Variants in RBMS1 observed in about 807,000 individuals in gnomAD.
RBMS1 encodes RNA binding motif single stranded interacting protein 1.
RBMS1 carries 17 observed loss-of-function variants against 62.3 expected under a neutral mutation model. The ratio of observed to expected loss-of-function variants is 0.27; its 90% CI spans 0.19 to 0.41. The LOEUF is 0.41. Ranked by LOEUF, RBMS1 falls within the 10% of genes least tolerant of loss-of-function variation. RBMS1 has a pLI of 1.00. For synonymous variants in RBMS1, 172 were observed against 170.0 expected (o/e 1.01, Z -0.09); for missense variants, 334 against 504.5 (o/e 0.66, Z 3.24).
chr2:160,462,125 G>A (rs905364168), intron 1 of RBMS1, among the ~76,000 whole-genome samples: 4 of 152,192 alleles, frequency 2.6e-5, no homozygotes, highest in African/African-American at 9.7e-5. Flanking sequence ...CCTTTGCTTA[G>A]CTCAACGGGC....
rs1361256026 is a variant in RBMS1, at chr2:160,493,556, C to T, written c.-193G>A. On this transcript the variant is annotated 5_prime_UTR_variant, in exon 1 of 14. Coordinates refer to ENST00000348849, the MANE Select transcript of RBMS1 (RefSeq NM_016836.4). ...TCCTCCTCCTCTTCCTCCTCCTCCTCCTCCTCCTCCTCCTCTTCCTCCTCC... is the reference window on the plus strand; with the variant it reads ...TCCTCCTCCTCTTCCTCCTCCTCCTTCTCCTCCTCCTCCTCTTCCTCCTCC... The T allele has an allele frequency of 1.3e-5, 8 of 620,774 alleles. No homozygotes were observed. In the East Asian group the frequency reaches 2.2e-4, roughly 17 times the overall value. The allele number at this position is 620,774 out of a possible 1,614,324, so 38.5% of individuals were successfully genotyped here.
intron 1 of RBMS1, among the ~76,000 whole-genome samples, chr2:160,419,166 A>G (rs1268314157): frequency 6.6e-6 from 1 of 152,188 alleles, no homozygotes; most frequent in Non-Finnish European, 1.5e-5. Context: ...ATCATGCTAA[A>G]TTCTGTAATT....
At chr2:160,401,431 T>C (rs1695419325) in intron 1 of RBMS1, among the ~76,000 whole-genome samples, 2 of 152,218 alleles carry the variant, frequency 1.3e-5, no homozygotes, top group Non-Finnish European at 2.9e-5. Flanking sequence ...TTCTTTCACC[T>C]TATCCTAATT....
chr2:160,474,056 A>C (rs999232602), intron 1 of RBMS1, among the ~76,000 whole-genome samples: 1 of 152,180 alleles, frequency 6.6e-6, no homozygotes, highest in East Asian at 1.9e-4. Context: ...AAGGTTAAAA[A>C]CTTCTCTGCT....
At chr2:160,282,587 T>C (rs2105932788) in intron 9 of RBMS1, 1 of 211,672 alleles carries the variant, frequency 4.7e-6, no homozygotes, top group East Asian at 1.1e-4. Context: ...TAATAGCTTA[T>C]AGCATTACAG....
chr2:160,348,858 T>G (rs954130647), intron 2 of RBMS1, among the ~76,000 whole-genome samples: 9 of 152,144 alleles, frequency 5.9e-5, no homozygotes. Flanking sequence ...ATCTGAAAAC[T>G]TGATGAATTA....
At chr2:160,369,905 G>A (rs548580757) in intron 1 of RBMS1, among the ~76,000 whole-genome samples, 1 of 152,024 alleles carries the variant, frequency 6.6e-6, no homozygotes, top group Non-Finnish European at 1.5e-5. Context: ...AAAGTAGTAG[G>A]TTTTTTTATT....
chr2:160,301,795 A>G (rs1689222924), intron 5 of RBMS1, among the ~76,000 whole-genome samples: 1 of 152,260 alleles, frequency 6.6e-6, no homozygotes, highest in African/African-American at 2.4e-5. Context: ...GTAACAATGG[A>G]AAAGTTCCCT....
chr2:160,452,073 GTATC>G (rs1289408467), intron 1 of RBMS1, among the ~76,000 whole-genome samples: 17 of 152,170 alleles, frequency 1.1e-4, no homozygotes, highest in Middle Eastern at 3.4e-3. Flanking sequence ...AAGAATTTAA[GTATC>G]AATCATGGCA....
At chr2:160,430,631 G>A (rs7420451) in intron 1 of RBMS1, among the ~76,000 whole-genome samples, 119,043 of 152,166 alleles carry the variant, frequency 0.78, 46,898 homozygotes, top group East Asian at 0.91. Flanking sequence ...CTAAACAATT[G>A]TATTCATTTA....
intron 1 of RBMS1, among the ~76,000 whole-genome samples, chr2:160,432,715 G>A (rs1276901503): frequency 2.6e-5 from 4 of 152,116 alleles, no homozygotes; most frequent in African/African-American, 9.7e-5. Flanking sequence ...GTTTGGGCGG[G>A]GAAAAGGGAG....
intron 11 of RBMS1, 58 bp downstream of exon 11, chr2:160,278,490 C>G: frequency 7.4e-7 from 1 of 1,355,704 alleles, no homozygotes; most frequent in Non-Finnish European, 1.0e-6. Context: ...AAGATACAGG[C>G]TGCATTAATT....
At chr2:160,300,877 C>T in intron 5 of RBMS1, 147 bp from the exon 6 acceptor site, 1 of 879,390 alleles carries the variant, frequency 1.1e-6, no homozygotes, top group Non-Finnish European at 1.6e-6. Flanking sequence ...TCTATTCTAC[C>T]TTTTATCTAA....
intron 1 of RBMS1, among the ~76,000 whole-genome samples, chr2:160,442,162 GA>G (rs1205654378): frequency 6.6e-6 from 1 of 152,112 alleles, no homozygotes; most frequent in Non-Finnish European, 1.5e-5. Flanking sequence ...GATAATGTCC[GA>G]TTTATCAATT....
chr2:160,466,233 G>A (rs994948701), intron 1 of RBMS1, among the ~76,000 whole-genome samples: 1 of 151,190 alleles, frequency 6.6e-6, no homozygotes, highest in Non-Finnish European at 1.5e-5. Context: ...TGCCAATCAT[G>A]CCTATAAAAA....
At chr2:160,306,129 G>T (rs201314205) in intron 4 of RBMS1, among the ~76,000 whole-genome samples, 1 of 8,708 alleles carries the variant, frequency 1.1e-4, no homozygotes, top group Non-Finnish European at 3.5e-4. Context: ...TGTTTCTCTC[G>T]TGTGTGTGTG....
intron 2 of RBMS1, among the ~76,000 whole-genome samples, chr2:160,355,175 C>A (rs1186893716): frequency 6.6e-6 from 1 of 152,138 alleles, no homozygotes; most frequent in Non-Finnish European, 1.5e-5. Context: ...GCTGACCATA[C>A]AGGCTATCTC....
chr2:160,374,876 G>A (rs778713425), intron 1 of RBMS1, among the ~76,000 whole-genome samples: 4 of 152,042 alleles, frequency 2.6e-5, no homozygotes, highest in Non-Finnish European at 5.9e-5. Flanking sequence ...GTTATAGTGA[G>A]CTGAGATTGC....
intron 1 of RBMS1, among the ~76,000 whole-genome samples, chr2:160,488,264 ATTAT>A (rs1351354716): frequency 2.0e-5 from 3 of 152,188 alleles, no homozygotes; most frequent in African/African-American, 7.2e-5. Context: ...ATCAGGTTTC[ATTAT>A]TTATTCATTA....
Sources: gnomAD v4.1 joint callset for allele counts (sites outside exome capture counted in the v4.1 genomes callset) on GRCh38, gnomAD v4.1.1 for gene constraint, MANE v1.5 for transcripts, NCBI Gene and HGNC (gene_info 2026-07-23, HGNC 2026-07-21) for gene names.